PCNX3: variants seen among roughly 807,000 people sequenced by gnomAD.
PCNX3 encodes the protein pecanex 3.
A neutral mutation model predicts 207.2 loss-of-function variants in PCNX3; 58 were observed. The observed-to-expected ratio is 0.28, with a 90% confidence interval of 0.23 to 0.35. PCNX3 has a LOEUF of 0.35. Among genes scored for constraint, PCNX3 ranks in the 10% least tolerant of loss-of-function variants. The pLI is 1.00. For synonymous variants in PCNX3, 1,337 were observed against 1,183.5 expected (o/e 1.13, Z -2.66); for missense variants, 2,410 against 2,774.4 (o/e 0.87, Z 2.95).
In PCNX3 at chr11:65,618,881, G is replaced by T; in HGVS notation, c.1519G>T (p.Asp507Tyr). 6.2e-7 allele frequency: 1 copy of T among 1,610,472 alleles called. No individual in the cohort carries two copies. The change falls in exon 6 of 35, where the codon GAT (aspartate) becomes TAT (tyrosine). Residue 507 changes from aspartate to tyrosine, a missense_variant. Asp to Tyr is a radical substitution (Grantham distance 160). Coordinates refer to ENST00000355703, the MANE Select transcript of PCNX3 (RefSeq NM_032223.4). ...AKTHARVLSM[D>Y]GAGGDVLRPP... is the part of the protein sequence containing the mutation. ...AACACATGCCCGTGTGCTGAGCATGGATGGGGCTGGGGGTGATGTTCTGAG... is the reference window on the plus strand; with the variant it reads ...AACACATGCCCGTGTGCTGAGCATGTATGGGGCTGGGGGTGATGTTCTGAG...
chr11:65,636,040 C>T, intron 32 of PCNX3, 134 bp from the exon 33 acceptor site: 1 of 1,373,576 alleles, frequency 7.3e-7, no homozygotes, highest in Non-Finnish European at 1.0e-6. Context: ...AAGTAGGTGG[C>T]AGCTTCTTAG....
In PCNX3 at chr11:65,635,106, C is replaced by T; in HGVS notation, c.4939C>T (p.Leu1647Phe). Residue 1647 changes from leucine (L) to phenylalanine (F), a missense_variant, in exon 30 of 35, where the codon CTC becomes TTC. Physicochemically the swap from Leu to Phe is conservative, Grantham distance 22. Coordinates refer to ENST00000355703, the MANE Select transcript of PCNX3 (RefSeq NM_032223.4). The surrounding 1 kb of genome is among the most constrained non-coding windows in gnomAD (Gnocchi z 9.9). ...TGTGGCGCCTGGGGTTCGCATGGCC[C>T]TCAAGCTTCACCAGGTTGGGGAGGG... ...RVVAPGVRMA[L>F]KLHQDHFTSP... is the part of the protein sequence containing the mutation. 1.2e-6 allele frequency: 2 copies of T among 1,613,362 alleles called. No individual in the cohort carries two copies. The highest frequency in any genetic ancestry group is 1.7e-6 in the Non-Finnish European group (2 of 1,179,634).
chr11:65,626,169 C>T, intron 20 of PCNX3, 115 bp downstream of exon 20: 7 of 1,387,896 alleles, frequency 5.0e-6, no homozygotes, highest in Non-Finnish European at 6.9e-6. Flanking sequence ...TCGCTGCCCA[C>T]ACTACCCTTT....
At position 65,636,531 on chromosome 11, in the gene PCNX3, C is replaced by T. The variant is rs764945070; in HGVS notation, c.5734C>T (p.Pro1912Ser). 1.3e-6 allele frequency: 2 copies of T among 1,589,796 alleles called. No individual in the cohort carries two copies. The highest frequency in any genetic ancestry group is 1.9e-5 in the Admixed American group (1 of 53,468). Reference sequence around the variant, plus strand: ...TGGACCACCCCCTGCATCGCCTATCCCCACAGAGGGTCCCCGGACCTCACG... The same window carrying T: ...TGGACCACCCCCTGCATCGCCTATCTCCACAGAGGGTCCCCGGACCTCACG... ...LPGPPPASPI[P>S]TEGPRTSRPP... The change falls in exon 34 of 35, where the codon CCC becomes TCC. Residue 1912 changes from proline (P) to serine (S), a missense_variant. This residue lies in a region of PCNX3 where 278 missense variants were observed against 245.1 expected (regional missense o/e 1.13). Coordinates refer to ENST00000355703, the MANE Select transcript of PCNX3 (RefSeq NM_032223.4).
At chr11:65,616,606 G>A (rs985157620) in intron 1 of PCNX3, 142 bp downstream of exon 1, 38 of 1,134,630 alleles carry the variant, frequency 3.3e-5, no homozygotes, top group Non-Finnish European at 4.4e-5. Context: ...AGGGGCCAAA[G>A]TCTTCCTTTC....
At chr11:65,624,777 C>T in intron 15 of PCNX3, 148 bp from the exon 16 acceptor site, 1 of 951,498 alleles carries the variant, frequency 1.1e-6, no homozygotes, top group Non-Finnish European at 1.5e-6. Flanking sequence ...GCTCTAAAGG[C>T]CGCTTGGGGC....
rs766431778 is a variant in PCNX3 at position 65,622,322 on chromosome 11, C to G, written c.2313C>G (p.Thr771=). 1.3e-6 allele frequency: 2 copies of G among 1,597,232 alleles called. No homozygotes were observed. The highest frequency in any genetic ancestry group is 1.1e-5 in the South Asian group (1 of 87,862). Reference sequence around the variant, plus strand: ...ACTGGCTTCTCCCTGGCCGCTGGACCTCTGTGCGCTATGAGCGGCTTGCCC... The same window carrying G: ...ACTGGCTTCTCCCTGGCCGCTGGACGTCTGTGCGCTATGAGCGGCTTGCCC... ...YKYWLLPGRW[T]SVRYERLALL... The change falls in exon 11 of 35, where the codon ACC becomes ACG. Residue 771 remains threonine, a synonymous_variant. Transcript: ENST00000355703.
In PCNX3 at chr11:65,637,377, C is replaced by CTTTTTTTTTTTTTTTTTTT. The variant is rs377458419; in HGVS notation, c.*417_*418insTTTTTTTTTTTTTTTTTTT. The CTTTTTTTTTTTTTTTTTTT allele has an allele frequency of 7.5e-6, 1 of 132,518 alleles. No homozygotes were observed. 8.2% of individuals were successfully genotyped at this position (132,518 alleles called of 1,614,324 possible). ...TTCTTTCTTTCCTTTTTTTTCTTTT[C>CTTTTTTTTTTTTTTTTTTT]TTTTTTTTTTTTTTTTTTGTGCTTC... is the stretch of plus-strand genomic sequence containing the variant. On this transcript the variant is annotated 3_prime_UTR_variant, in exon 35 of 35. Transcript: ENST00000355703.
At chr11:65,616,720 A>C in intron 1 of PCNX3, 104 bp from the exon 2 acceptor site, 1 of 1,325,490 alleles carries the variant, frequency 7.5e-7, no homozygotes, top group Non-Finnish European at 1.0e-6. Context: ...GAGGTGATGA[A>C]ATTTTCTTGT....
At chr11:65,628,186 C>A (rs1164508527) in intron 22 of PCNX3, among the ~76,000 whole-genome samples, 1 of 152,170 alleles carries the variant, frequency 6.6e-6, no homozygotes, top group Non-Finnish European at 1.5e-5. Flanking sequence ...ACACTGCGTA[C>A]CCTCTGAGGG....
chr11:65,634,963 T>A lies in PCNX3; in HGVS notation c.4806-10T>A. ...CCCTCTCTCCCCTCCCTGTTTTTCC[T>A]CCCACTTAGCCTGGAGCCCTTCCTC... is the stretch of plus-strand genomic sequence containing the variant. On this transcript the variant is annotated splice_polypyrimidine_tract_variant and intron_variant, in intron 29 of 34. Transcript: ENST00000355703. 1 of 1,606,848 alleles carries A rather than the reference T, an allele frequency of 6.2e-7. No homozygotes were observed. The highest frequency in any genetic ancestry group is 1.1e-5 in the South Asian group (1 of 90,692).
intron 27 of PCNX3, among the ~76,000 whole-genome samples, chr11:65,631,984 A>G (rs572744987): frequency 5.9e-4 from 90 of 152,146 alleles, no homozygotes; most frequent in African/African-American, 2.0e-3. Flanking sequence ...CCTTTCATCA[A>G]GAAGGAGGCT....
rs987205384 is a variant in PCNX3 at position 65,635,911 on chromosome 11, G to T, written c.5459+108G>T. 2.1e-6 allele frequency: 3 copies of T among 1,418,432 alleles called. No individual in the cohort carries two copies. The highest frequency in any genetic ancestry group is 2.8e-6 in the Non-Finnish European group (3 of 1,068,398). 87.9% of individuals were successfully genotyped at this position (1,418,432 alleles called of 1,614,324 possible). A position where few individuals can be genotyped will look rare whatever the true frequency, so the allele number is the denominator to read the frequency against. ...GTGCTGGAGCCAGGGCTTGAATCCC[G>T]AGAGATGACCCCCTCCCAGAGCTGA... On this transcript the variant is annotated intron_variant, in intron 32 of 34. Coordinates refer to ENST00000355703, the MANE Select transcript of PCNX3 (RefSeq NM_032223.4). This position sits in a 1 kb window ranked among gnomAD's most constrained non-coding sequence, Gnocchi z 9.9.
chr11:65,627,042 G>T lies in PCNX3; in HGVS notation c.3518G>T (p.Cys1173Phe). The T allele has an allele frequency of 2.0e-6, 3 of 1,509,966 alleles. No individual in the cohort carries two copies. The highest frequency in any genetic ancestry group is 2.5e-5 in the East Asian group (1 of 40,308). 93.5% of individuals were successfully genotyped at this position (1,509,966 alleles called of 1,614,324 possible). A position where few individuals can be genotyped will look rare whatever the true frequency, so the allele number is the denominator to read the frequency against. The change falls in exon 21 of 35, where the codon TGC becomes TTC. Residue 1173 changes from cysteine (C) to phenylalanine (F), a missense_variant. Transcript: ENST00000355703. ...GTCGTCAGCCACCCGGACAAGTACT[G>T]CTTCTAGTGAGGACCACCCCACCCT... ...HTVVSHPDKY[C>F]FYCRALLMTV...
rs757343367 is a variant in PCNX3, at chr11:65,617,622, C to T, written c.493C>T (p.Leu165=). The T allele has an allele frequency of 3.7e-6, 6 of 1,610,722 alleles. No homozygotes were observed. The highest frequency in any genetic ancestry group is 5.1e-6 in the Non-Finnish European group (6 of 1,178,436). The change falls in exon 5 of 35, where the codon CTG becomes TTG. Residue 165 remains leucine, a synonymous_variant. Transcript: ENST00000355703. ...DSGPLRDIKE[L]VREQGSNNVI... ...GGCCATGGTTGCAGACATCAAGGAG[C>T]TGGTGCGGGAGCAGGGCAGCAACAA...
rs771986401 is a variant in PCNX3 at position 65,616,511 on chromosome 11, A to C, written c.153+47A>C. On this transcript the variant is annotated intron_variant, in intron 1 of 34. Coordinates refer to ENST00000355703, the MANE Select transcript of PCNX3 (RefSeq NM_032223.4). The stretch of plus-strand genomic sequence containing the variant: ...TAACTCCAGCCGGGAGAGGGAGGGC[A>C]GCCTGGCAGGGATTCAGGGCAGTGC... The C allele has an allele frequency of 3.2e-6, 5 of 1,562,976 alleles. No homozygotes were observed. The South Asian group carries it at 5.8e-5, about 18-fold the overall frequency.
intron 21 of PCNX3, 56 bp from the exon 22 acceptor site, chr11:65,627,347 CCT>C: frequency 6.4e-7 from 1 of 1,554,054 alleles, no homozygotes; most frequent in Non-Finnish European, 8.7e-7. Context: ...GGATGGGACA[CCT>C]ATACCCACTG....
chr11:65,630,281 G>A, intron 26 of PCNX3, 70 bp from the exon 27 acceptor site: 1 of 1,540,278 alleles, frequency 6.5e-7, no homozygotes. Flanking sequence ...TGCCATGTTG[G>A]TCACTCTCCC....
chr11:65,636,467 G>A lies in PCNX3; in HGVS notation c.5670G>A (p.Arg1890=), dbSNP rs1220496268. ...CCCTGAGTGGCTCTGGTGATGGGCG[G>A]CCCCCACCTCTGCTGCAGTGGCCTC... is the stretch of plus-strand genomic sequence containing the variant. ...RSSLSGSGDG[R]PPPLLQWPPP... Residue 1890 remains arginine (R), a synonymous_variant, in exon 34 of 35, where the codon CGG becomes CGA. Transcript: ENST00000355703. The A allele has an allele frequency of 6.4e-7, 1 of 1,561,684 alleles. No individual in the cohort carries two copies. The highest frequency in any genetic ancestry group is 8.7e-7 in the Non-Finnish European group (1 of 1,155,590).
Sources: allele counts gnomAD v4.1 joint callset (sites outside exome capture counted in the v4.1 genomes callset), GRCh38; gene constraint gnomAD v4.1.1; regional missense constraint gnomAD v4.1.1; non-coding constraint Gnocchi (gnomAD v3.1); transcripts MANE v1.5; gene names NCBI Gene and HGNC (gene_info 2026-07-23, HGNC 2026-07-21).